Variants in ACACA observed in about 807,000 individuals in gnomAD.
ACACA encodes the protein acetyl-CoA carboxylase alpha, also known as acetyl-CoA carboxylase 1.
In ACACA, 103 loss-of-function variants were observed where a neutral mutation model predicts 296.1. The ratio of observed to expected loss-of-function variants is 0.35; its 90% CI spans 0.30 to 0.41. ACACA has a LOEUF of 0.41. Among genes scored for constraint, ACACA ranks in the 10% least tolerant of loss-of-function variants. The probability of loss-of-function intolerance (pLI) is 1.00; values close to 1 mark genes in which losing one functional copy is unlikely to be tolerated. For synonymous variants in ACACA, 953 were observed against 1,038.6 expected (o/e 0.92, Z 1.58); for missense variants, 1,554 against 2,989.7 (o/e 0.52, Z 11.20).
chr17:37,138,574 A>C (rs1026303269), intron 45 of ACACA, among the ~76,000 whole-genome samples: 1 of 152,198 alleles, frequency 6.6e-6, no homozygotes, highest in Non-Finnish European at 1.5e-5. Context: ...TGGTGCTCTA[A>C]ATGCACAAAG....
In ACACA at chr17:37,207,818, C is replaced by T; in HGVS notation, c.3708-18G>A. ...AGGACATTCTAAATGGTAATTCAATCACGTTCATTAGACAAGGAGGGTAGG... is the reference window on the plus strand; with the variant it reads ...AGGACATTCTAAATGGTAATTCAATTACGTTCATTAGACAAGGAGGGTAGG... On this transcript the variant is annotated intron_variant, in intron 30 of 55. Transcript: ENST00000616317. 6.2e-7 allele frequency: 1 copy of T among 1,613,290 alleles called. No individual in the cohort carries two copies. The highest frequency in any genetic ancestry group is 8.5e-7 in the Non-Finnish European group (1 of 1,179,284).
At chr17:37,206,952 A>G in intron 31 of ACACA, 73 bp from the exon 32 acceptor site, 2 of 1,273,216 alleles carry the variant, frequency 1.6e-6, no homozygotes, top group Non-Finnish European at 2.3e-6. Context: ...TTGGCAGCTG[A>G]GTCTAAAAGA....
chr17:37,171,627 C>G (rs1598053965), intron 41 of ACACA, among the ~76,000 whole-genome samples: 1 of 152,052 alleles, frequency 6.6e-6, no homozygotes, highest in East Asian at 1.9e-4. Flanking sequence ...TCAAAAATGG[C>G]TGAACAAACT....
intron 1 of ACACA, 129 bp from the exon 2 acceptor site, chr17:37,339,979 A>T: frequency 1.8e-6 from 1 of 543,830 alleles, no homozygotes; most frequent in South Asian, 2.7e-5. Flanking sequence ...CAAATCTATT[A>T]TTTAACTTAA....
At chr17:37,247,097 A>T (rs746087452) in intron 18 of ACACA, 121 bp from the exon 19 acceptor site, 45 of 1,043,228 alleles carry the variant, frequency 4.3e-5, no homozygotes, top group Non-Finnish European at 6.2e-5. Flanking sequence ...ACACACACAG[A>T]CATATTCACT....
In ACACA at chr17:37,108,172, T is replaced by G. The variant is rs890179859; in HGVS notation, c.6565+3359A>C. Among the ~76,000 whole-genome samples the G allele has an allele frequency of 2.6e-5, 4 of 152,298 alleles. No homozygotes were observed. The South Asian group carries it at 8.3e-4, about 32-fold the overall frequency. ...TGCTCACTTTTCTTTCTGAGGTAAT[T>G]CTTCCCTTTACTTCTATTAGGAATC... is the stretch of plus-strand genomic sequence containing the variant. On this transcript the variant is annotated intron_variant, in intron 52 of 55. Transcript: ENST00000616317.
chr17:37,337,415 C>CAAAAA (rs71159702), intron 2 of ACACA, among the ~76,000 whole-genome samples: 2 of 94,320 alleles, frequency 2.1e-5, no homozygotes, highest in Non-Finnish European at 4.4e-5. Context: ...GACCCTGTCT[C>CAAAAA]AAAAAAAAAA....
chr17:37,216,056 TAAAAA>T (rs1208151766), intron 29 of ACACA, among the ~76,000 whole-genome samples: 1 of 130,074 alleles, frequency 7.7e-6, no homozygotes, highest in African/African-American at 2.8e-5. Flanking sequence ...AATGACACAT[TAAAAA>T]AAAAAAATCC....
intron 29 of ACACA, among the ~76,000 whole-genome samples, chr17:37,216,189 C>CACATGT (rs559609131): frequency 1.8e-3 from 261 of 141,360 alleles, no homozygotes; most frequent in African/African-American, 6.9e-3. Context: ...CATACACACA[C>CACATGT]GTGTGTGTGT....
At chr17:37,355,509 T>C (rs945560190) in intron 1 of ACACA, among the ~76,000 whole-genome samples, 1 of 150,224 alleles carries the variant, frequency 6.7e-6, no homozygotes, top group African/African-American at 2.5e-5. Context: ...GGAGCCAAGA[T>C]CACACCATTG....
chr17:37,243,677 T>A (rs138867602), intron 21 of ACACA, 118 bp from the exon 22 acceptor site: 13 of 1,053,826 alleles, frequency 1.2e-5, no homozygotes, highest in Non-Finnish European at 1.6e-5. Context: ...CACTCATATA[T>A]GAAAATCTGC....
At chr17:37,239,911 G>A (rs1220558653) in intron 24 of ACACA, among the ~76,000 whole-genome samples, 2 of 152,178 alleles carry the variant, frequency 1.3e-5, no homozygotes, top group African/African-American at 4.8e-5. Context: ...CCATCTTGTG[G>A]CAGGAAGCAA....
chr17:37,394,046 G>A (rs964159479), intron 1 of ACACA, among the ~76,000 whole-genome samples: 4 of 152,100 alleles, frequency 2.6e-5, no homozygotes, highest in African/African-American at 9.7e-5. Flanking sequence ...AGAGGAGAAA[G>A]GAGAACTCCT....
intron 35 of ACACA, among the ~76,000 whole-genome samples, chr17:37,193,668 G>T (rs1388682339): frequency 6.6e-6 from 1 of 152,090 alleles, no homozygotes; most frequent in Non-Finnish European, 1.5e-5. Context: ...GAAAAAAAAT[G>T]TATGAATTTT....
chr17:37,344,735 A>G (rs2147382329), intron 1 of ACACA, among the ~76,000 whole-genome samples: 1 of 152,316 alleles, frequency 6.6e-6, no homozygotes, highest in East Asian at 1.9e-4. Context: ...CAACTGTGGT[A>G]AACTTACGAT....
intron 10 of ACACA, among the ~76,000 whole-genome samples, chr17:37,268,729 C>A (rs987660387): frequency 0.013 from 1,467 of 110,652 alleles, 18 homozygotes; most frequent in East Asian, 0.047. Context: ...ATCTATCTAT[C>A]TATCTATCTA....
intron 45 of ACACA, chr17:37,144,062 C>T (rs2143915879): frequency 1.3e-6 from 1 of 765,134 alleles, no homozygotes; most frequent in Non-Finnish European, 2.4e-6. Flanking sequence ...TCAGGAGGGA[C>T]GTAGGTTTTC....
chr17:37,092,273 CAAA>C (rs34799022), intron 54 of ACACA, among the ~76,000 whole-genome samples: 5 of 104,802 alleles, frequency 4.8e-5, no homozygotes, highest in African/African-American at 3.0e-5. Context: ...TAGAGTGAGA[CAAA>C]AAAAAAAAAA....
chr17:37,150,734 T>TA (rs2076003211), intron 44 of ACACA, among the ~76,000 whole-genome samples: 1 of 151,846 alleles, frequency 6.6e-6, no homozygotes, highest in Non-Finnish European at 1.5e-5. Context: ...GCCTGGGTGA[T>TA]AGAGTAAGAC....
Sources: gnomAD v4.1 joint callset for allele counts (sites outside exome capture counted in the v4.1 genomes callset) on GRCh38, gnomAD v4.1.1 for gene constraint, MANE v1.5 for transcripts, NCBI Gene and HGNC (gene_info 2026-07-23, HGNC 2026-07-21) for gene names.